The following CPHXL variants were observed in gnomAD, a reference collection of about 807,000 sequenced individuals.
CPHXL encodes cytoplasmic polyadenylated homeobox-like protein.
intron 2 of CPHXL, among the ~76,000 whole-genome samples, chr16:75,716,085 T>C (rs1959387019): frequency 6.6e-6 from 1 of 152,004 alleles, no homozygotes; most frequent in African/African-American, 2.4e-5. Flanking sequence ...GAATAACTTC[T>C]TGACCATCTA....
intron 2 of CPHXL, among the ~76,000 whole-genome samples, chr16:75,716,967 C>T (rs80248037): frequency 0.037 from 5,699 of 152,326 alleles, 130 homozygotes; most frequent in South Asian, 0.051. Context: ...AAAATGTAAA[C>T]TTTGATTTCT....
rs1181334233 is a variant in CPHXL, at chr16:75,718,748, C to G, written c.26-290G>C. 2.6e-5 allele frequency among the ~76,000 whole-genome samples: 4 copies of G among 152,316 alleles called. No homozygotes were observed. The East Asian group carries it at 7.7e-4, about 29-fold the overall frequency. On this transcript the variant is annotated intron_variant, in intron 1 of 2. Coordinates refer to ENST00000640559, the MANE Select transcript of CPHXL (RefSeq NM_001355613.1). ...GCATTGCCTATGGCTGTTTTCAAGC[C>G]ACAACAGCAGGCTTAGTAGTTGAGG...
At chr16:75,721,267 G>A (rs1258074777) in intron 1 of CPHXL, among the ~76,000 whole-genome samples, 2 of 152,144 alleles carry the variant, frequency 1.3e-5, no homozygotes, top group African/African-American at 2.4e-5. Flanking sequence ...AACCTTAAAT[G>A]TAAATGGGCT....
At chr16:75,723,016 T>A (rs1171075540) in intron 1 of CPHXL, among the ~76,000 whole-genome samples, 2 of 152,144 alleles carry the variant, frequency 1.3e-5, no homozygotes, top group Admixed American at 6.5e-5. Context: ...ATTATCTCAA[T>A]AGACGCAGAA....
chr16:75,719,063 A>C (rs939089092), intron 1 of CPHXL, among the ~76,000 whole-genome samples: 1 of 151,974 alleles, frequency 6.6e-6, no homozygotes, highest in Non-Finnish European at 1.5e-5. Context: ...AGTTAAATTA[A>C]ACATGTATAA....
chr16:75,716,310 A>G (rs747056338), intron 2 of CPHXL, among the ~76,000 whole-genome samples: 1 of 152,176 alleles, frequency 6.6e-6, no homozygotes, highest in Admixed American at 6.5e-5. Context: ...TCGAGGGCTC[A>G]GTCCTGCAAG....
At chr16:75,717,680 G>A (rs1467480661) in intron 2 of CPHXL, among the ~76,000 whole-genome samples, 2 of 152,106 alleles carry the variant, frequency 1.3e-5, no homozygotes, top group South Asian at 2.1e-4. Context: ...CTGTCACACA[G>A]GCTGGAATGC....
rs920493828 is a variant in CPHXL, at chr16:75,714,426, C to T, written c.1016G>A (p.Gly339Asp). 2.5e-6 allele frequency: 1 copy of T among 398,586 alleles called. No homozygotes were observed. 24.7% of individuals were successfully genotyped at this position (398,586 alleles called of 1,614,324 possible). A position where few individuals can be genotyped will look rare whatever the true frequency, so the allele number is the denominator to read the frequency against. ...MLQEQLPMDS[G>D]PWDLGKQWSS... ...CCACTGCTTCCCTAGATCCCAAGGACCCGAGTCCATTGGGAGCTGTTCCTG... is the reference window on the plus strand; with the variant it reads ...CCACTGCTTCCCTAGATCCCAAGGATCCGAGTCCATTGGGAGCTGTTCCTG... The change falls in exon 3 of 3, where the codon GGT (glycine) becomes GAT (aspartate). Residue 339 changes from glycine (G) to aspartate (D), a missense_variant. Gly to Asp is a moderately conservative substitution (Grantham distance 94, BLOSUM62 -1). Coordinates refer to ENST00000640559, the MANE Select transcript of CPHXL (RefSeq NM_001355613.1).
At chr16:75,722,342 A>T (rs1959489977) in intron 1 of CPHXL, among the ~76,000 whole-genome samples, 1 of 152,206 alleles carries the variant, frequency 6.6e-6, no homozygotes, top group African/African-American at 2.4e-5. Flanking sequence ...AGATCAATAA[A>T]ATTGATAGAT....
At chr16:75,719,028 CG>C in intron 1 of CPHXL, among the ~76,000 whole-genome samples, 1 of 151,852 alleles carries the variant, frequency 6.6e-6, no homozygotes, top group African/African-American at 2.4e-5. Context: ...CTGAGTTCCA[CG>C]AGTGTAGTTG....
chr16:75,725,871 T>G (rs1959552550), intron 1 of CPHXL, among the ~76,000 whole-genome samples: 1 of 150,334 alleles, frequency 6.7e-6, no homozygotes, highest in Non-Finnish European at 1.5e-5. Flanking sequence ...TTATTATTAC[T>G]CTGTATTTTT....
intron 2 of CPHXL, among the ~76,000 whole-genome samples, 191 bp downstream of exon 2, chr16:75,718,074 C>T (rs1265007930): frequency 6.6e-6 from 1 of 151,990 alleles, no homozygotes; most frequent in Non-Finnish European, 1.5e-5. Context: ...ACATAAAAGC[C>T]TGGCGGGGTG....
chr16:75,719,983 A>T (rs1007014647), intron 1 of CPHXL, among the ~76,000 whole-genome samples: 1 of 152,200 alleles, frequency 6.6e-6, no homozygotes, highest in African/African-American at 2.4e-5. Context: ...GCTGATACCC[A>T]GTCAAACAGG....
chr16:75,714,765 C>T lies in CPHXL; in HGVS notation c.677G>A (p.Gly226Asp). ...KHPGCAMGYG[G>D]DTGSGHSGSG... ...TCCAGAATGCCCACTTCCTGTGTCACCTCCATACCCCATAGCACAGCCTGG... is the reference window on the plus strand; with the variant it reads ...TCCAGAATGCCCACTTCCTGTGTCATCTCCATACCCCATAGCACAGCCTGG... The change falls in exon 3 of 3, where the codon GGT (glycine) becomes GAT (aspartate). Residue 226 changes from glycine (G) to aspartate (D), a missense_variant. By Grantham distance (94) the Gly-to-Asp change is moderately conservative. Coordinates refer to ENST00000640559, the MANE Select transcript of CPHXL (RefSeq NM_001355613.1). 5.0e-6 allele frequency: 2 copies of T among 398,690 alleles called. No homozygotes were observed. Among genetic ancestry groups the T allele is most frequent in the South Asian group, 2.5e-4 (2 of 7,862 alleles). 24.7% of individuals were successfully genotyped at this position (398,690 alleles called of 1,614,324 possible).
chr16:75,718,498 A>G (rs1312302783), intron 1 of CPHXL, 40 bp from the exon 2 acceptor site: 2 of 398,202 alleles, frequency 5.0e-6, no homozygotes, highest in Admixed American at 4.4e-5. Flanking sequence ...ATTAGAGAAT[A>G]TTGGTAATAA....
intron 1 of CPHXL, among the ~76,000 whole-genome samples, chr16:75,720,150 G>A (rs1224561716): frequency 6.6e-6 from 1 of 152,036 alleles, no homozygotes; most frequent in Non-Finnish European, 1.5e-5. Context: ...ACAAAGATGG[G>A]GAAAAAACAG....
intron 2 of CPHXL, among the ~76,000 whole-genome samples, chr16:75,716,299 G>C (rs1017899061): frequency 6.6e-6 from 1 of 152,124 alleles, no homozygotes; most frequent in South Asian, 2.1e-4. Flanking sequence ...GATCCCACAG[G>C]TCGAGGGCTC....
intron 2 of CPHXL, among the ~76,000 whole-genome samples, chr16:75,715,708 T>G (rs965032607): frequency 6.6e-6 from 1 of 152,144 alleles, no homozygotes; most frequent in Admixed American, 6.5e-5. Flanking sequence ...TTCACTTTTT[T>G]TTTTTTGGAC....
chr16:75,723,832 T>C (rs1490788776), intron 1 of CPHXL, among the ~76,000 whole-genome samples: 22 of 152,110 alleles, frequency 1.4e-4, no homozygotes, highest in African/African-American at 4.6e-4. Context: ...GGAGGCATCA[T>C]GCTACCTGAC....
Sources: allele counts gnomAD v4.1 joint callset (sites outside exome capture counted in the v4.1 genomes callset), GRCh38; gene constraint gnomAD v4.1.1; transcripts MANE v1.5; gene names NCBI Gene and HGNC (gene_info 2026-07-23, HGNC 2026-07-21).